The following GPR158 variants were observed in gnomAD, a reference collection of about 807,000 sequenced individuals.
The protein encoded by GPR158 is metabotropic glycine receptor.
A neutral mutation model predicts 78.2 loss-of-function variants in GPR158; 30 were observed. The observed-to-expected ratio is 0.38, with a 90% confidence interval of 0.29 to 0.52. The LOEUF (loss-of-function observed/expected upper bound fraction) is 0.52, where lower values mean the gene tolerates loss of function less well. Ranked by LOEUF, GPR158 falls within the 20% of genes least tolerant of loss-of-function variation. GPR158 has a pLI of 0.83. For synonymous variants in GPR158, 581 were observed against 591.1 expected, an observed-to-expected ratio of 0.98 and a Z score of 0.25; for missense variants, 1,463 against 1,523.5, an observed-to-expected ratio of 0.96 and a Z score of 0.66.
chr10:25,228,489 G>C (rs1009495866), intron 2 of GPR158, among the ~76,000 whole-genome samples: 1 of 152,018 alleles, frequency 6.6e-6, no homozygotes, highest in African/African-American at 2.4e-5. Context: ...AATGAATACT[G>C]TTCATTCCTT....
intron 1 of GPR158, among the ~76,000 whole-genome samples, chr10:25,203,724 T>A (rs1432279580): frequency 6.9e-6 from 1 of 145,180 alleles, no homozygotes; most frequent in Non-Finnish European, 1.5e-5. Context: ...CTTAGGATTG[T>A]CTTGGTAATG....
At chr10:25,353,509 G>A (rs1195533926) in intron 2 of GPR158, among the ~76,000 whole-genome samples, 2 of 151,744 alleles carry the variant, frequency 1.3e-5, no homozygotes, top group Non-Finnish European at 2.9e-5. Flanking sequence ...TGGGATCAAA[G>A]CCTAAAAGTG....
intron 10 of GPR158, 85 bp downstream of exon 10, chr10:25,596,874 G>A: frequency 3.6e-6 from 4 of 1,101,572 alleles, no homozygotes; most frequent in Non-Finnish European, 4.1e-6. Flanking sequence ...GTGCGTGTGT[G>A]CATGCATGTA....
At chr10:25,348,178 G>C (rs1014685650) in intron 2 of GPR158, among the ~76,000 whole-genome samples, 5 of 151,842 alleles carry the variant, frequency 3.3e-5, no homozygotes, top group African/African-American at 1.2e-4. Context: ...TGTATGATCG[G>C]TAGGTTATAT....
At chr10:25,287,232 G>T (rs1854364626) in intron 2 of GPR158, among the ~76,000 whole-genome samples, 1 of 151,804 alleles carries the variant, frequency 6.6e-6, no homozygotes. Flanking sequence ...GATATAGGGA[G>T]TTTTCTTTCC....
intron 2 of GPR158, among the ~76,000 whole-genome samples, chr10:25,327,621 G>C (rs1422106846): frequency 6.6e-6 from 1 of 152,170 alleles, no homozygotes; most frequent in Middle Eastern, 3.2e-3. Flanking sequence ...TCTTAGGGAA[G>C]ACAGGAGCAA....
intron 2 of GPR158, among the ~76,000 whole-genome samples, chr10:25,345,218 A>G (rs967672779): frequency 6.6e-6 from 1 of 151,948 alleles, no homozygotes; most frequent in Non-Finnish European, 1.5e-5. Context: ...AAACAGAGAC[A>G]AAGGGACCCT....
intron 7 of GPR158, among the ~76,000 whole-genome samples, chr10:25,587,457 A>G (rs1837282615): frequency 6.6e-6 from 1 of 152,240 alleles, no homozygotes; most frequent in African/African-American, 2.4e-5. Flanking sequence ...GAGAGAATTA[A>G]TACATCTGAG....
intron 2 of GPR158, among the ~76,000 whole-genome samples, chr10:25,260,929 G>A (rs983043027): frequency 1.3e-5 from 2 of 152,052 alleles, no homozygotes; most frequent in African/African-American, 2.4e-5. Context: ...TTTTCAATTG[G>A]CATTTTTAGT....
At chr10:25,580,613 G>A (rs370369761) in intron 7 of GPR158, among the ~76,000 whole-genome samples, 39 of 152,242 alleles carry the variant, frequency 2.6e-4, no homozygotes, top group African/African-American at 6.0e-4. Context: ...AGACTTTCTC[G>A]TATCTGACAG....
intron 2 of GPR158, among the ~76,000 whole-genome samples, chr10:25,227,523 C>G (rs1044978769): frequency 2.6e-5 from 4 of 152,158 alleles, no homozygotes; most frequent in Admixed American, 6.6e-5. Context: ...TACTAGGCCT[C>G]TCTCTTTGAG....
At chr10:25,451,300 A>G (rs1301540591) in intron 4 of GPR158, among the ~76,000 whole-genome samples, 1 of 152,206 alleles carries the variant, frequency 6.6e-6, no homozygotes. Flanking sequence ...GAAATTGCCC[A>G]CTTCTTAGCA....
chr10:25,208,826 GT>G (rs939092282), intron 1 of GPR158, among the ~76,000 whole-genome samples: 4 of 149,850 alleles, frequency 2.7e-5, no homozygotes, highest in Non-Finnish European at 5.9e-5. Context: ...GTCACTTCCT[GT>G]TTTTTTCTTT....
intron 5 of GPR158, among the ~76,000 whole-genome samples, chr10:25,497,318 C>G (rs1045965783): frequency 1.3e-5 from 2 of 152,132 alleles, no homozygotes; most frequent in African/African-American, 4.8e-5. Context: ...AACATGTATA[C>G]TGGTATTTAA....
At chr10:25,584,004 G>A (rs144414957) in intron 7 of GPR158, among the ~76,000 whole-genome samples, 68 of 152,140 alleles carry the variant, frequency 4.5e-4, no homozygotes, top group African/African-American at 1.3e-3. Context: ...TGGCCCAGCC[G>A]TTTGAAAAAA....
intron 2 of GPR158, among the ~76,000 whole-genome samples, chr10:25,395,625 A>G (rs1032156487): frequency 3.6e-4 from 55 of 152,322 alleles, no homozygotes; most frequent in African/African-American, 1.3e-3. Context: ...TATGTGAGGC[A>G]TTAAAAAGAA....
chr10:25,203,031 C>G (rs1852958008), intron 1 of GPR158, among the ~76,000 whole-genome samples: 3 of 152,122 alleles, frequency 2.0e-5, no homozygotes, highest in Admixed American at 2.0e-4. Flanking sequence ...TTTCATGTGT[C>G]TGTTGACTGC....
chr10:25,252,162 C>T (rs538811367), intron 2 of GPR158, among the ~76,000 whole-genome samples: 1,934 of 152,086 alleles, frequency 0.013, 39 homozygotes, highest in African/African-American at 0.044. Flanking sequence ...TTTTCAGCTC[C>T]ATCAGCTCCT....
At chr10:25,442,949 C>G (rs1250327554) in intron 4 of GPR158, among the ~76,000 whole-genome samples, 1 of 152,180 alleles carries the variant, frequency 6.6e-6, no homozygotes, top group Admixed American at 6.5e-5. Flanking sequence ...CCAGTGCCTT[C>G]TCTTCGAAAG....
Sources: allele counts gnomAD v4.1 joint callset (sites outside exome capture counted in the v4.1 genomes callset), GRCh38; gene constraint gnomAD v4.1.1; transcripts MANE v1.5; gene names NCBI Gene and HGNC (gene_info 2026-07-23, HGNC 2026-07-21).